Variants in PACC1 observed in about 807,000 individuals in gnomAD.
The protein encoded by PACC1 is proton activated chloride channel 1.
Under a neutral mutation model 39.7 loss-of-function variants are expected in PACC1, and 34 were observed. That is an observed-to-expected ratio of 0.86 (90% CI 0.65 to 1.14). PACC1 has a LOEUF of 1.14. Among genes scored for constraint, PACC1 ranks in the 50% most tolerant of loss-of-function variants. The pLI is 0.00. For synonymous variants in PACC1, 127 were observed against 160.6 expected, an observed-to-expected ratio of 0.79 and a Z score of 1.58; for missense variants, 379 against 436.4, an observed-to-expected ratio of 0.87 and a Z score of 1.17.
At position 212,387,103 on chromosome 1, in the gene PACC1, GACA is replaced by G. The variant is rs756804190; in HGVS notation, c.134-6_134-4del. On this transcript the variant is annotated splice_polypyrimidine_tract_variant and splice_region_variant and intron_variant, in intron 2 of 7. Transcript: ENST00000261455. ...GGAGGCGGACTCGCTGTCCAGGCCT[GACA>G]ACAACAAAACACCATGTGACCCAGG... 1.2e-6 allele frequency: 2 copies of G among 1,613,450 alleles called. No individual in the cohort carries two copies. Among genetic ancestry groups the G allele is most frequent in the East Asian group, 4.5e-5 (2 of 44,866 alleles).
chr1:212,403,604 G>A (rs1031621001), intron 2 of PACC1, among the ~76,000 whole-genome samples: 1 of 152,016 alleles, frequency 6.6e-6, no homozygotes, highest in Admixed American at 6.6e-5. Context: ...TCACTCTGTC[G>A]CCCAGGCTGG....
Position 212,403,333 on chromosome 1 carries a change from T to C in PACC1, c.133+7092A>G, listed in dbSNP as rs140506601. On this transcript the variant is annotated intron_variant, in intron 2 of 7. Transcript: ENST00000261455. ...GCAGCTCCTACCTCCAGGCCCTCCA[T>C]TCAACTCCTTTTCCAGCCCCAGCTC... Among the ~76,000 whole-genome samples the C allele has an allele frequency of 5.6e-4, 86 of 152,270 alleles. 1 individual carries two copies. The East Asian group carries it at 9.3e-3, about 16-fold the overall frequency.
chr1:212,412,400 T>A (rs1662166799), intron 1 of PACC1, among the ~76,000 whole-genome samples: 1 of 152,194 alleles, frequency 6.6e-6, no homozygotes, highest in Non-Finnish European at 1.5e-5. Flanking sequence ...GCCTGCCTCC[T>A]TGCCTGCCCC....
intron 2 of PACC1, among the ~76,000 whole-genome samples, chr1:212,406,452 G>A (rs758442061): frequency 6.6e-6 from 1 of 152,136 alleles, no homozygotes; most frequent in Non-Finnish European, 1.5e-5. Flanking sequence ...GGAGGTGGTG[G>A]TTGCAGTGAG....
Position 212,401,811 on chromosome 1 carries a change from T to A in PACC1, c.133+8614A>T, listed in dbSNP as rs377499477. Among the ~76,000 whole-genome samples, 333 of 151,416 alleles carry A rather than the reference T, an allele frequency of 2.2e-3. 2 individuals carry two copies. The highest frequency in any genetic ancestry group is 3.6e-3 in the Non-Finnish European group (242 of 67,804). On this transcript the variant is annotated intron_variant, in intron 2 of 7. Coordinates refer to ENST00000261455, the MANE Select transcript of PACC1 (RefSeq NM_018252.3). ...GCCTCAGCCTCCCAAGTAACTGGGA[T>A]TACAGGTGTGCACCACCATACCTGG...
intron 1 of PACC1, among the ~76,000 whole-genome samples, chr1:212,410,959 A>G (rs1448577899): frequency 6.6e-6 from 1 of 152,136 alleles, no homozygotes; most frequent in Non-Finnish European, 1.5e-5. Context: ...CCATCTTTAC[A>G]AGGTGTGCTC....
At chr1:212,372,886 T>A (rs1409114061) in intron 7 of PACC1, among the ~76,000 whole-genome samples, 1 of 151,988 alleles carries the variant, frequency 6.6e-6, no homozygotes. Context: ...TGGAAAAATA[T>A]CCTATGGTTC....
At chr1:212,389,883 T>A (rs948859976) in intron 2 of PACC1, among the ~76,000 whole-genome samples, 1 of 151,982 alleles carries the variant, frequency 6.6e-6, no homozygotes, top group East Asian at 1.9e-4. Context: ...AAATGTTTCA[T>A]AAAATTTAAA....
At chr1:212,408,378 G>A (rs886573144) in intron 2 of PACC1, among the ~76,000 whole-genome samples, 1 of 144,714 alleles carries the variant, frequency 6.9e-6, no homozygotes, top group Non-Finnish European at 1.5e-5. Flanking sequence ...TTTTTTTTTT[G>A]AGGCAGAGTC....
At chr1:212,392,314 A>C (rs1284087018) in intron 2 of PACC1, among the ~76,000 whole-genome samples, 1 of 152,256 alleles carries the variant, frequency 6.6e-6, no homozygotes, top group Non-Finnish European at 1.5e-5. Flanking sequence ...AGAATTTTCA[A>C]CCCAGAATTT....
At chr1:212,370,464 G>A (rs12136095) in intron 7 of PACC1, among the ~76,000 whole-genome samples, 23,487 of 152,200 alleles carry the variant, frequency 0.15, 2,510 homozygotes, top group East Asian at 0.37. Context: ...ACGAGACTCC[G>A]TCTCAAAACT....
At chr1:212,413,997 G>A (rs1169791249) in intron 1 of PACC1, 1 of 1,535,858 alleles carries the variant, frequency 6.5e-7, no homozygotes, top group Admixed American at 2.0e-5. Flanking sequence ...GAGAAGTGGA[G>A]GCGGAGGAGG....
chr1:212,409,716 G>A (rs779796898), intron 2 of PACC1, among the ~76,000 whole-genome samples: 22 of 152,142 alleles, frequency 1.4e-4, no homozygotes, highest in Non-Finnish European at 1.6e-4. Context: ...GGAAATACAG[G>A]ATATATAAAT....
Position 212,414,814 on chromosome 1 carries a change from G to A in PACC1, c.-57C>T. On this transcript the variant is annotated 5_prime_UTR_variant, in exon 1 of 8. Coordinates refer to ENST00000261455, the MANE Select transcript of PACC1 (RefSeq NM_018252.3). Reference sequence around the variant, plus strand: ...CCGCCCCAGCCCGCGGCGCACGGACGCAGCACTGCGGCCGCTGCACCTGGA... The same window carrying A: ...CCGCCCCAGCCCGCGGCGCACGGACACAGCACTGCGGCCGCTGCACCTGGA... 1 of 1,602,076 alleles carries A rather than the reference G, an allele frequency of 6.2e-7. No homozygotes were observed. The highest frequency in any genetic ancestry group is 1.3e-5 in the African/African-American group (1 of 74,744).
At chr1:212,379,515 T>C (rs1188627852) in intron 5 of PACC1, among the ~76,000 whole-genome samples, 1 of 152,246 alleles carries the variant, frequency 6.6e-6, no homozygotes, top group African/African-American at 2.4e-5. Flanking sequence ...AAGGGCAAGA[T>C]GTGGTTCCTG....
chr1:212,394,623 T>A (rs1213320740), intron 2 of PACC1, among the ~76,000 whole-genome samples: 1 of 152,138 alleles, frequency 6.6e-6, no homozygotes, highest in Non-Finnish European at 1.5e-5. Context: ...GGGTATTCAA[T>A]GAGGAAAAGA....
At chr1:212,413,436 CA>C (rs1248882985) in intron 1 of PACC1, among the ~76,000 whole-genome samples, 2 of 107,038 alleles carry the variant, frequency 1.9e-5, no homozygotes, top group Non-Finnish European at 3.6e-5. Flanking sequence ...GCAGCAAGTT[CA>C]TTATGAGAAG....
At chr1:212,406,666 G>A (rs977525163) in intron 2 of PACC1, among the ~76,000 whole-genome samples, 3 of 152,190 alleles carry the variant, frequency 2.0e-5, no homozygotes, top group Non-Finnish European at 4.4e-5. Flanking sequence ...CAGCTCATCT[G>A]GTTCCCCCAA....
intron 7 of PACC1, 147 bp downstream of exon 7, chr1:212,375,046 T>C (rs1469910281): frequency 3.8e-6 from 2 of 526,786 alleles, no homozygotes; most frequent in African/African-American, 3.8e-5. Context: ...TGAAAAAAGA[T>C]GAGGACAGGT....
Sources: allele counts gnomAD v4.1 joint callset (sites outside exome capture counted in the v4.1 genomes callset), GRCh38; gene constraint gnomAD v4.1.1; transcripts MANE v1.5; gene names NCBI Gene and HGNC (gene_info 2026-07-23, HGNC 2026-07-21).